Variants in GRP observed in about 807,000 individuals in gnomAD.
GRP encodes gastrin-releasing peptide.
A neutral mutation model predicts 12.7 loss-of-function variants in GRP; 11 were observed. The observed-to-expected ratio is 0.87, with a 90% CI of 0.55 to 1.44. The LOEUF is 1.44. GRP is among the 40% of genes most tolerant of loss of function. The probability of loss-of-function intolerance (pLI) is 0.00; values close to 1 mark genes in which losing one functional copy is unlikely to be tolerated. For synonymous variants in GRP, 84 were observed against 77.7 expected (o/e 1.08, Z -0.43); for missense variants, 212 against 185.4 (o/e 1.14, Z -0.83).
chr18:59,220,395 T>A lies in GRP; in HGVS notation c.130T>A (p.Trp44Arg). Reference protein sequence around the residue: ...LTKMYPRGNHWAVGHLMGKKS... With the variant: ...LTKMYPRGNHRAVGHLMGKKS... The stretch of plus-strand genomic sequence containing the variant: ...CAAGATGTACCCGCGCGGCAACCAC[T>A]GGGCGGTGGGTGAGTGTCCTGGCCG... Residue 44 changes from tryptophan to arginine, a missense_variant, in exon 1 of 3, where the codon TGG (tryptophan) becomes AGG (arginine). Coordinates refer to ENST00000256857, the MANE Select transcript of GRP (RefSeq NM_002091.5). The A allele has an allele frequency of 3.6e-6, 5 of 1,385,406 alleles. No homozygotes were observed. Among genetic ancestry groups the A allele is most frequent in the Non-Finnish European group, 3.7e-6 (4 of 1,066,998 alleles). The allele number at this position is 1,385,406 out of a possible 1,614,324, so 85.8% of individuals were successfully genotyped here.
chr18:59,223,668 C>T (rs56193838), intron 1 of GRP, among the ~76,000 whole-genome samples: 6,166 of 152,262 alleles, frequency 0.04, 206 homozygotes, highest in African/African-American at 0.085. Flanking sequence ...TCTAGGTCAT[C>T]ACTGGGAGTA....
At chr18:59,224,445 C>G (rs2069883314) in intron 1 of GRP, among the ~76,000 whole-genome samples, 2 of 152,302 alleles carry the variant, frequency 1.3e-5, no homozygotes, top group South Asian at 2.1e-4. Context: ...TTAAATACTT[C>G]TAATGCCAGT....
intron 1 of GRP, among the ~76,000 whole-genome samples, chr18:59,222,589 T>G (rs2069852389): frequency 6.6e-6 from 1 of 152,234 alleles, no homozygotes; most frequent in Non-Finnish European, 1.5e-5. Flanking sequence ...TGAATGATGT[T>G]ACACTTCAAA....
At chr18:59,229,263 G>A (rs2069992500) in intron 2 of GRP, among the ~76,000 whole-genome samples, 1 of 152,142 alleles carries the variant, frequency 6.6e-6, no homozygotes, top group Non-Finnish European at 1.5e-5. Context: ...CCAGTTCCTT[G>A]ATCTTCCTAG....
At position 59,220,375 on chromosome 18, in the gene GRP, T is replaced by C. The variant is rs776619857; in HGVS notation, c.110T>C (p.Met37Thr). 12 of 1,426,582 alleles carry C rather than the reference T, an allele frequency of 8.4e-6. No homozygotes were observed. The South Asian group carries it at 1.5e-4, about 17-fold the overall frequency. 88.4% of individuals were successfully genotyped at this position (1,426,582 alleles called of 1,614,324 possible). ...PAGGGTVLTK[M>T]YPRGNHWAVG... ...GGCGGAGGGACCGTGCTGACCAAGATGTACCCGCGCGGCAACCACTGGGCG... is the reference window on the plus strand; with the variant it reads ...GGCGGAGGGACCGTGCTGACCAAGACGTACCCGCGCGGCAACCACTGGGCG... Residue 37 changes from methionine to threonine, a missense_variant, in exon 1 of 3, where the codon ATG (methionine) becomes ACG (threonine). Met to Thr is a moderately conservative substitution (Grantham distance 81, BLOSUM62 -1). Coordinates refer to ENST00000256857, the MANE Select transcript of GRP (RefSeq NM_002091.5).
intron 1 of GRP, among the ~76,000 whole-genome samples, chr18:59,224,656 C>G (rs565909448): frequency 6.6e-6 from 1 of 152,214 alleles, no homozygotes; most frequent in African/African-American, 2.4e-5. Flanking sequence ...TCTGTACCCA[C>G]TTCTGACTCC....
upstream of GRP, among the ~76,000 whole-genome samples, chr18:59,219,502 A>G (rs1240423304): frequency 1.9e-5 from 1 of 52,562 alleles, no homozygotes; most frequent in Non-Finnish European, 3.6e-5. Context: ...GGGAGTGGAG[A>G]GGAGGGGAAG....
intron 1 of GRP, among the ~76,000 whole-genome samples, chr18:59,224,634 C>A (rs1296023049): frequency 6.6e-6 from 1 of 152,184 alleles, no homozygotes; most frequent in Admixed American, 6.5e-5. Context: ...GTTAAGAATG[C>A]AGACCTTGAA....
intron 2 of GRP, among the ~76,000 whole-genome samples, chr18:59,227,048 T>TC (rs1333830693): frequency 7.5e-4 from 81 of 108,564 alleles, no homozygotes; most frequent in African/African-American, 2.8e-3. Flanking sequence ...TTTCTTTCTT[T>TC]CTTTCTTCCT....
intron 2 of GRP, among the ~76,000 whole-genome samples, chr18:59,226,992 C>CCTTT (rs34258044): frequency 0.068 from 7,291 of 107,662 alleles, 284 homozygotes; most frequent in East Asian, 0.13. Flanking sequence ...TTCTTTTCTT[C>CCTTT]CTTTCTTTCT....
intron 2 of GRP, among the ~76,000 whole-genome samples, chr18:59,228,276 G>C (rs995353847): frequency 6.6e-6 from 1 of 152,166 alleles, no homozygotes; most frequent in Non-Finnish European, 1.5e-5. Context: ...CAAAAAGAAG[G>C]GGTGCCAAGA....
intron 1 of GRP, among the ~76,000 whole-genome samples, chr18:59,222,730 G>A (rs1049274300): frequency 6.6e-6 from 1 of 152,220 alleles, no homozygotes; most frequent in African/African-American, 2.4e-5. Context: ...CACATTTACA[G>A]GCTTGGTAAG....
intron 1 of GRP, among the ~76,000 whole-genome samples, chr18:59,220,745 G>A (rs375058641): frequency 3.9e-5 from 6 of 152,120 alleles, no homozygotes; most frequent in African/African-American, 1.4e-4. Flanking sequence ...CCTTTTGTCC[G>A]CCTAGTCTCA....
chr18:59,226,303 TA>T (rs1301385088), intron 2 of GRP, among the ~76,000 whole-genome samples: 3 of 152,150 alleles, frequency 2.0e-5, no homozygotes, highest in Admixed American at 6.5e-5. Flanking sequence ...ATAATTATAC[TA>T]AACTGGCAAT....
intron 2 of GRP, among the ~76,000 whole-genome samples, chr18:59,226,204 A>T (rs2069918586): frequency 6.6e-6 from 1 of 152,228 alleles, no homozygotes; most frequent in Non-Finnish European, 1.5e-5. Context: ...TACCTAGTTC[A>T]GGTTTCATCC....
Position 59,230,438 on chromosome 18 carries a change from A to C in GRP, c.417A>C (p.Glu139Asp). 6.7e-7 allele frequency: 1 copy of C among 1,489,098 alleles called. No individual in the cohort carries two copies. The highest frequency in any genetic ancestry group is 1.4e-5 in the African/African-American group (1 of 73,830). The allele number at this position is 1,489,098 out of a possible 1,614,324, so 92.2% of individuals were successfully genotyped here. ...GRLSAPGSQR[E>D]GRNPQLNQQ ...TCTCTGCTCCAGGTTCTCAACGTGA[A>C]GGAAGGAACCCCCAGCTGAACCAGC... The change falls in exon 3 of 3, where the codon GAA (glutamate) becomes GAC (aspartate). Residue 139 changes from glutamate to aspartate, a missense_variant. Glu to Asp is a conservative substitution (Grantham distance 45). Coordinates refer to ENST00000256857, the MANE Select transcript of GRP (RefSeq NM_002091.5).
At chr18:59,226,991 TCCTTTCTTTCTTTCTTTCTTTC>T (rs1316955408) in intron 2 of GRP, among the ~76,000 whole-genome samples, 4 of 134,366 alleles carry the variant, frequency 3.0e-5, no homozygotes, top group African/African-American at 1.2e-4. Context: ...TTTCTTTTCT[TCCTTTCTTTCTTTCTTTCTTTC>T]TTTCTTTCTT....
At chr18:59,229,574 A>C (rs2069998233) in intron 2 of GRP, among the ~76,000 whole-genome samples, 1 of 152,184 alleles carries the variant, frequency 6.6e-6, no homozygotes, top group African/African-American at 2.4e-5. Flanking sequence ...AGGAGGTAAT[A>C]ATTTGCCCAA....
At chr18:59,223,151 CA>C (rs1193593628) in intron 1 of GRP, among the ~76,000 whole-genome samples, 3 of 152,124 alleles carry the variant, frequency 2.0e-5, no homozygotes, top group Non-Finnish European at 4.4e-5. Flanking sequence ...ATAAAAAGAA[CA>C]AAAGCTCTTT....
Sources: gnomAD v4.1 joint callset for allele counts (sites outside exome capture counted in the v4.1 genomes callset) on GRCh38, gnomAD v4.1.1 for gene constraint, MANE v1.5 for transcripts, NCBI Gene and HGNC (gene_info 2026-07-23, HGNC 2026-07-21) for gene names.